Variants in VMP1 observed in about 807,000 individuals in gnomAD.
VMP1 encodes the protein vacuole membrane protein 1.
VMP1 carries 11 observed loss-of-function variants against 56.0 expected under a neutral mutation model. The ratio of observed to expected loss-of-function variants is 0.20; its 90% CI spans 0.12 to 0.32. The LOEUF (loss-of-function observed/expected upper bound fraction) is 0.32, where lower values mean the gene tolerates loss of function less well. VMP1 is among the 10% of genes least tolerant of loss of function. VMP1 has a pLI of 1.00. For missense variants in VMP1, 296 were observed against 490.3 expected, an observed-to-expected ratio of 0.60 and a Z score of 3.74; for synonymous variants, 149 against 165.0, an observed-to-expected ratio of 0.90 and a Z score of 0.74.
Position 59,764,915 on chromosome 17 carries a change from T to G in VMP1, c.415-56T>G, listed in dbSNP as rs1019553226. 2.2e-5 allele frequency: 28 copies of G among 1,280,998 alleles called. No individual in the cohort carries two copies. The South Asian group carries it at 4.9e-4, about 22-fold the overall frequency. 79.4% of individuals were successfully genotyped at this position (1,280,998 alleles called of 1,614,324 possible). On this transcript the variant is annotated intron_variant, in intron 5 of 11. Transcript: ENST00000262291. ...TAATTAATATATTTTTAAAATAATG[T>G]GTATTGATAATTTTTTAATAGTTCT...
chr17:59,775,147 T>G (rs190487962), intron 7 of VMP1, among the ~76,000 whole-genome samples: 1 of 151,992 alleles, frequency 6.6e-6, no homozygotes, highest in Non-Finnish European at 1.5e-5. Flanking sequence ...GGTTTCACCA[T>G]GTTAGCCAGG....
rs75110717 is a variant in VMP1 at position 59,743,164 on chromosome 17, T to A, written c.414+4217T>A. On this transcript the variant is annotated intron_variant, in intron 5 of 11. Coordinates refer to ENST00000262291, the MANE Select transcript of VMP1 (RefSeq NM_030938.5). ...TCTGTGTTATACAGGTCTATGGGTTTTGACAAATGCATAATGTCATGTATA... is the reference window on the plus strand; with the variant it reads ...TCTGTGTTATACAGGTCTATGGGTTATGACAAATGCATAATGTCATGTATA... Among the ~76,000 whole-genome samples the A allele has an allele frequency of 2.5e-3, 381 of 152,340 alleles. 2 individuals carry two copies. Among genetic ancestry groups the A allele is most frequent in the Non-Finnish European group, 4.6e-3 (311 of 68,034 alleles).
chr17:59,804,108 G>A (rs2037765544), intron 7 of VMP1, among the ~76,000 whole-genome samples: 1 of 151,698 alleles, frequency 6.6e-6, no homozygotes, highest in Non-Finnish European at 1.5e-5. Flanking sequence ...ATCACAATAA[G>A]AGCCGCCAAA....
At chr17:59,714,604 T>G (rs181884360) in intron 1 of VMP1, among the ~76,000 whole-genome samples, 41 of 152,188 alleles carry the variant, frequency 2.7e-4, no homozygotes, top group Admixed American at 1.8e-3. Context: ...ATATAATTAT[T>G]TTAAAGCACA....
chr17:59,774,017 G>T, intron 7 of VMP1, 132 bp downstream of exon 7: 1 of 959,252 alleles, frequency 1.0e-6, no homozygotes, highest in Non-Finnish European at 1.4e-6. Flanking sequence ...GAAAAATATT[G>T]CTTGAGATAG....
chr17:59,719,155 T>G (rs2034292492), intron 1 of VMP1, among the ~76,000 whole-genome samples: 1 of 152,144 alleles, frequency 6.6e-6, no homozygotes, highest in African/African-American at 2.4e-5. Flanking sequence ...CTTAACAGTT[T>G]TAGGGAAATC....
At position 59,816,188 on chromosome 17, in the gene VMP1, G is replaced by A. The variant is rs2038225701; in HGVS notation, c.913-1524G>A. On this transcript the variant is annotated intron_variant, in intron 9 of 11. Coordinates refer to ENST00000262291, the MANE Select transcript of VMP1 (RefSeq NM_030938.5). ...AAAGAAAATCTTGTTTTGCTGTTTT[G>A]CATTGAAATTGTGCAATTATTTAGG... 2.0e-5 allele frequency among the ~76,000 whole-genome samples: 3 copies of A among 152,132 alleles called. No homozygotes were observed. In the South Asian group the frequency reaches 6.2e-4, roughly 32 times the overall value.
chr17:59,815,260 T>A (rs1033154095), intron 9 of VMP1, among the ~76,000 whole-genome samples: 1 of 152,180 alleles, frequency 6.6e-6, no homozygotes, highest in African/African-American at 2.4e-5. Context: ...AGTATCTTTT[T>A]AGAAAAAATT....
chr17:59,832,761 A>ATTT lies in VMP1; in HGVS notation c.975-5515_975-5513dup, dbSNP rs71145580. ...GGCGCCCACCACCGTGCCTGGCAAT[A>ATTT]TTTTTTTTTTTTTTTTTTTTTGTAT... On this transcript the variant is annotated intron_variant, in intron 10 of 11. Coordinates refer to ENST00000262291, the MANE Select transcript of VMP1 (RefSeq NM_030938.5). 9.6e-3 allele frequency among the ~76,000 whole-genome samples: 973 copies of ATTT among 100,876 alleles called. 1 individual carries two copies. The highest frequency in any genetic ancestry group is 0.012 in the East Asian group (42 of 3,496). The allele number at this position is 100,876 out of a possible 152,430, so 66.2% of individuals were successfully genotyped here.
At chr17:59,807,746 C>A (rs957610403) in intron 7 of VMP1, among the ~76,000 whole-genome samples, 1 of 149,924 alleles carries the variant, frequency 6.7e-6, no homozygotes, top group Non-Finnish European at 1.5e-5. Context: ...GCGAGAGAAT[C>A]ACTTGAACCC....
chr17:59,725,339 T>C (rs1334086827), intron 1 of VMP1, among the ~76,000 whole-genome samples: 1 of 152,144 alleles, frequency 6.6e-6, no homozygotes, highest in East Asian at 1.9e-4. Flanking sequence ...AGTTTTACAG[T>C]ACGTATGATT....
In VMP1 at chr17:59,715,914, T is replaced by G. The variant is rs532834935; in HGVS notation, c.-27+8166T>G. On this transcript the variant is annotated intron_variant, in intron 1 of 11. Coordinates refer to ENST00000262291, the MANE Select transcript of VMP1 (RefSeq NM_030938.5). ...CTAGTAGTTCTGAGCATTTAAAATT[T>G]TTCTTTTATTTTGGCCTGTGTTATT... 3.3e-3 allele frequency among the ~76,000 whole-genome samples: 506 copies of G among 152,292 alleles called. 2 individuals carry two copies. Among genetic ancestry groups the G allele is most frequent in the African/African-American group, 0.012 (485 of 41,556 alleles).
intron 1 of VMP1, 121 bp from the exon 2 acceptor site, chr17:59,731,300 A>T: frequency 1.9e-6 from 1 of 517,474 alleles, no homozygotes; most frequent in Non-Finnish European, 3.3e-6. Flanking sequence ...AAAAGTGTAA[A>T]CACATCATAC....
At chr17:59,729,227 G>A (rs1385156742) in intron 1 of VMP1, among the ~76,000 whole-genome samples, 1 of 152,172 alleles carries the variant, frequency 6.6e-6, no homozygotes, top group Non-Finnish European at 1.5e-5. Flanking sequence ...GCTCACGCCT[G>A]TAATCCCAGC....
chr17:59,815,851 G>A (rs950652318), intron 9 of VMP1, among the ~76,000 whole-genome samples: 3 of 70,986 alleles, frequency 4.2e-5, no homozygotes, highest in East Asian at 5.0e-4. Flanking sequence ...GCGAGACTCC[G>A]TCTCAAAAAA....
chr17:59,711,019 G>A (rs2033905675), intron 1 of VMP1, among the ~76,000 whole-genome samples: 1 of 151,736 alleles, frequency 6.6e-6, no homozygotes, highest in Admixed American at 6.6e-5. Context: ...GTTGCAGTGA[G>A]CCGAGATCGC....
intron 1 of VMP1, among the ~76,000 whole-genome samples, chr17:59,715,218 C>T (rs185401659): frequency 1.2e-3 from 183 of 152,254 alleles, no homozygotes; most frequent in African/African-American, 4.1e-3. Context: ...TAAGGCTATA[C>T]ATCACTTTGA....
intron 7 of VMP1, among the ~76,000 whole-genome samples, chr17:59,785,250 G>C (rs2036967548): frequency 6.6e-6 from 1 of 152,142 alleles, no homozygotes; most frequent in South Asian, 2.1e-4. Context: ...TTAATGACCT[G>C]CTACTTGGAT....
rs758309789 is a variant in VMP1, at chr17:59,839,818, G to T, written c.1128G>T (p.Val376=). The part of the protein sequence containing the change: ...WMFEKLVVVM[V]CYFILSIINS... ...TTGAAAAGTTGGTCGTTGTCATGGTGTGTTACTTCATCCTATCTATCATTA... is the reference window on the plus strand; with the variant it reads ...TTGAAAAGTTGGTCGTTGTCATGGTTTGTTACTTCATCCTATCTATCATTA... Residue 376 remains valine, a synonymous_variant, in exon 12 of 12, where the codon GTG becomes GTT. Coordinates refer to ENST00000262291, the MANE Select transcript of VMP1 (RefSeq NM_030938.5). The T allele has an allele frequency of 6.2e-7, 1 of 1,613,764 alleles. No homozygotes were observed. The highest frequency in any genetic ancestry group is 1.1e-5 in the South Asian group (1 of 90,950).
Sources: gnomAD v4.1 joint callset for allele counts (sites outside exome capture counted in the v4.1 genomes callset) on GRCh38, gnomAD v4.1.1 for gene constraint, MANE v1.5 for transcripts, NCBI Gene and HGNC (gene_info 2026-07-23, HGNC 2026-07-21) for gene names.